GPC6: variants seen among roughly 807,000 people sequenced by gnomAD.
GPC6 encodes glypican-6.
A neutral mutation model predicts 55.2 loss-of-function variants in GPC6; 14 were observed. That is an observed-to-expected ratio of 0.25 (90% CI 0.17 to 0.40). The LOEUF (loss-of-function observed/expected upper bound fraction) is 0.40. GPC6 is among the 10% of genes least tolerant of loss of function. The probability of loss-of-function intolerance (pLI) is 1.00; values close to 1 mark genes in which losing one functional copy is unlikely to be tolerated. For missense variants in GPC6, 641 were observed against 708.5 expected, an observed-to-expected ratio of 0.90 and a Z score of 1.08; for synonymous variants, 278 against 259.6, an observed-to-expected ratio of 1.07 and a Z score of -0.68.
rs559383230 is a variant in GPC6 at position 94,265,029 on chromosome 13, G to A, written c.878-21320G>A. Among the ~76,000 whole-genome samples, 11 of 152,292 alleles carry A rather than the reference G, an allele frequency of 7.2e-5. No homozygotes were observed. In the South Asian group the frequency reaches 8.3e-4, roughly 11 times the overall value. ...TCCCACTGGGTCCTACCCACAACAC[G>A]TGGGAATTATGGGAGCTACAACTCA... On this transcript the variant is annotated intron_variant, in intron 4 of 8. Transcript: ENST00000377047.
At chr13:94,126,456 G>T (rs1244722695) in intron 4 of GPC6, among the ~76,000 whole-genome samples, 2 of 152,090 alleles carry the variant, frequency 1.3e-5, no homozygotes, top group Non-Finnish European at 2.9e-5. Flanking sequence ...ATACTTAACA[G>T]TACAAGCCTT....
At chr13:94,234,872 A>ATACTGCAT (rs1163279558) in intron 4 of GPC6, among the ~76,000 whole-genome samples, 1 of 152,158 alleles carries the variant, frequency 6.6e-6, no homozygotes, top group African/African-American at 2.4e-5. Context: ...AAAAAGACAA[A>ATACTGCAT]TACTGCATAA....
At chr13:94,262,747 C>A (rs1891693000) in intron 4 of GPC6, among the ~76,000 whole-genome samples, 1 of 151,008 alleles carries the variant, frequency 6.6e-6, no homozygotes, top group Non-Finnish European at 1.5e-5. Context: ...TAAGGAAAGG[C>A]TACTTTTTAA....
At chr13:93,674,294 CA>C (rs1427429824) in intron 2 of GPC6, among the ~76,000 whole-genome samples, 1 of 152,122 alleles carries the variant, frequency 6.6e-6, no homozygotes, top group African/African-American at 2.4e-5. Context: ...AGCCCTAAAT[CA>C]AAAATTTCAC....
rs888088125 is a variant in GPC6, at chr13:93,262,384, C to T, written c.160+34768C>T. Reference sequence around the variant, plus strand: ...GCCAAGTTACACTTAAGTTTTCTTGCGAAATTAAATGTGATGAAGGCCTAC... The same window carrying T: ...GCCAAGTTACACTTAAGTTTTCTTGTGAAATTAAATGTGATGAAGGCCTAC... On this transcript the variant is annotated intron_variant, in intron 1 of 8. Coordinates refer to ENST00000377047, the MANE Select transcript of GPC6 (RefSeq NM_005708.5). Among the ~76,000 whole-genome samples the T allele has an allele frequency of 1.1e-4, 17 of 152,046 alleles. 1 individual carries two copies. In the Middle Eastern group the frequency reaches 9.5e-3, roughly 85 times the overall value.
chr13:93,382,817 A>G (rs920487560), intron 1 of GPC6, among the ~76,000 whole-genome samples: 2 of 152,106 alleles, frequency 1.3e-5, no homozygotes, highest in African/African-American at 4.8e-5. Flanking sequence ...GGGTTATCTC[A>G]TTTCCTTTTC....
At chr13:93,231,422 T>TATATATAC (rs1271799609) in intron 1 of GPC6, among the ~76,000 whole-genome samples, 1 of 50,004 alleles carries the variant, frequency 2.0e-5, no homozygotes, top group African/African-American at 8.9e-5. Flanking sequence ...TATATATATA[T>TATATATAC]ACGTATATAT....
intron 3 of GPC6, among the ~76,000 whole-genome samples, chr13:93,889,077 TC>T (rs1231715383): frequency 6.6e-6 from 1 of 152,186 alleles, no homozygotes; most frequent in African/African-American, 2.4e-5. Context: ...ATATTCATTT[TC>T]TTGTATACTT....
At chr13:93,471,705 A>G (rs1462859914) in intron 1 of GPC6, among the ~76,000 whole-genome samples, 1 of 151,756 alleles carries the variant, frequency 6.6e-6, no homozygotes, top group African/African-American at 2.4e-5. Context: ...TTTTTTATTA[A>G]TGTTCTCTGA....
At chr13:93,600,032 GGTT>G (rs1877943018) in intron 2 of GPC6, among the ~76,000 whole-genome samples, 1 of 152,132 alleles carries the variant, frequency 6.6e-6, no homozygotes, top group African/African-American at 2.4e-5. Context: ...TCCAGGGATA[GGTT>G]GTTTGAGAGA....
chr13:93,938,203 A>T (rs923150881), intron 3 of GPC6, among the ~76,000 whole-genome samples: 1 of 152,192 alleles, frequency 6.6e-6, no homozygotes, highest in African/African-American at 2.4e-5. Context: ...TCAAACAAAA[A>T]ACTCTGGAAC....
chr13:93,999,719 T>C (rs1165733426), intron 3 of GPC6, among the ~76,000 whole-genome samples: 2 of 152,274 alleles, frequency 1.3e-5, no homozygotes, highest in African/African-American at 2.4e-5. Flanking sequence ...ATCTTGGCTA[T>C]TGCAAATAAT....
At chr13:93,962,603 GT>G (rs1490153966) in intron 3 of GPC6, among the ~76,000 whole-genome samples, 17 of 152,078 alleles carry the variant, frequency 1.1e-4, no homozygotes, top group Non-Finnish European at 2.1e-4. Context: ...ATAGGTGTTA[GT>G]TATTCTTAAA....
At chr13:93,928,823 C>T (rs371577491) in intron 3 of GPC6, among the ~76,000 whole-genome samples, 17 of 148,748 alleles carry the variant, frequency 1.1e-4, no homozygotes, top group African/African-American at 4.2e-4. Context: ...TCAAATATCC[C>T]GAGAGAGGGC....
chr13:94,297,573 C>T lies in GPC6; in HGVS notation c.1009-8407C>T, dbSNP rs550595404. ...ATGCAAATCCTTCAGGGAAAAATATCTTCTCATGCAATGCAAATGAAAAGA... is the reference window on the plus strand; with the variant it reads ...ATGCAAATCCTTCAGGGAAAAATATTTTCTCATGCAATGCAAATGAAAAGA... On this transcript the variant is annotated intron_variant, in intron 5 of 8. Transcript: ENST00000377047. Among the ~76,000 whole-genome samples the T allele has an allele frequency of 3.9e-5, 6 of 152,274 alleles. No homozygotes were observed. In the South Asian group the frequency reaches 1.2e-3, roughly 32 times the overall value.
chr13:93,891,781 G>A (rs1875697978), intron 3 of GPC6, among the ~76,000 whole-genome samples: 2 of 151,834 alleles, frequency 1.3e-5, no homozygotes, highest in Admixed American at 6.6e-5. Context: ...AACAAAGTGT[G>A]TATGTTTTCA....
At chr13:93,220,561 C>T in the GPC6 span, among the ~76,000 whole-genome samples, 2 of 152,186 alleles carry the variant, frequency 1.3e-5, no homozygotes, top group Non-Finnish European at 2.9e-5. Context: ...TTTGGAAACA[C>T]TTCAAAAATG....
chr13:94,236,421 T>C (rs899768252), intron 4 of GPC6, among the ~76,000 whole-genome samples: 14 of 152,248 alleles, frequency 9.2e-5, no homozygotes, highest in African/African-American at 3.4e-4. Flanking sequence ...TGGACAAGAA[T>C]TGTGTTAAGA....
chr13:93,321,124 C>A (rs1190795347), intron 1 of GPC6, among the ~76,000 whole-genome samples: 1 of 152,094 alleles, frequency 6.6e-6, no homozygotes, highest in African/African-American at 2.4e-5. Context: ...GATGAGGTCA[C>A]TCTGTCTTAA....
Sources: allele counts gnomAD v4.1 joint callset (sites outside exome capture counted in the v4.1 genomes callset), GRCh38; gene constraint gnomAD v4.1.1; transcripts MANE v1.5; gene names NCBI Gene and HGNC (gene_info 2026-07-23, HGNC 2026-07-21).